The following CARD14 variants were observed in gnomAD, a reference collection of about 807,000 sequenced individuals.
CARD14 encodes the protein caspase recruitment domain-containing protein 14.
A neutral mutation model predicts 111.5 loss-of-function variants in CARD14; 107 were observed. The observed-to-expected ratio is 0.96, with a 90% CI of 0.82 to 1.13. The LOEUF (loss-of-function observed/expected upper bound fraction) is 1.13, where lower values mean the gene tolerates loss of function less well. Ranked by LOEUF, CARD14 falls within the 50% of genes most tolerant of loss-of-function variation. The pLI is 0.00. For missense variants in CARD14, 1,322 were observed against 1,362.3 expected, an observed-to-expected ratio of 0.97 and a Z score of 0.47; for synonymous variants, 617 against 579.6, an observed-to-expected ratio of 1.06 and a Z score of -0.93.
Position 80,188,512 on chromosome 17 carries a change from AATGAGAAACTGC to A in CARD14, c.812_823del (p.Asn271_Arg275delinsSer), listed in dbSNP as rs1354939025. 1.3e-6 allele frequency: 2 copies of A among 1,548,074 alleles called. No individual in the cohort carries two copies. Among genetic ancestry groups the A allele is most frequent in the Non-Finnish European group, 1.7e-6 (2 of 1,147,100 alleles). On this transcript the variant is annotated inframe_deletion, in exon 8 of 24. Coordinates refer to ENST00000648509, the MANE Select transcript of CARD14 (RefSeq NM_001366385.1). The surrounding 1 kb of genome is among the most constrained non-coding windows in gnomAD (Gnocchi z 4.5). Reference sequence around the variant, plus strand: ...GGAGCTGAACCGCCTGAAGGAGGAGAATGAGAAACTGCGCTCGCTGACTTTCAGCCTGGTAGG... The same window carrying A: ...GGAGCTGAACCGCCTGAAGGAGGAGAGCTCGCTGACTTTCAGCCTGGTAGG...
In CARD14 at chr17:80,172,978, T is replaced by G. The variant is rs2039938416; in HGVS notation, c.-617T>G. ...TCTCTGCAACCTCCACTTCCCAGGT[T>G]CAAGCGATTCTCCTGCCTCACCCTC... is the stretch of plus-strand genomic sequence containing the variant. On this transcript the variant is annotated 5_prime_UTR_variant, in exon 2 of 24. Transcript: ENST00000648509. The G allele has an allele frequency of 6.8e-6, 1 of 146,536 alleles. No homozygotes were observed. Among genetic ancestry groups the G allele is most frequent in the Admixed American group, 7.0e-5 (1 of 14,276 alleles). 9.1% of individuals were successfully genotyped at this position (146,536 alleles called of 1,614,324 possible).
intron 2 of CARD14, among the ~76,000 whole-genome samples, chr17:80,177,819 C>T (rs2040062321): frequency 6.6e-6 from 1 of 152,126 alleles, no homozygotes; most frequent in Non-Finnish European, 1.5e-5. Context: ...TGTGGGATTA[C>T]AGGCATGAGC....
Position 80,184,172 on chromosome 17 carries a change from G to T in CARD14, c.609G>T (p.Leu203=). The change falls in exon 7 of 24, where the codon CTG becomes CTT. Residue 203 remains leucine, a synonymous_variant. Transcript: ENST00000648509. The part of the protein sequence containing the change: ...RLKDEMLSLS[L]HYSNALQEKE... Reference sequence around the variant, plus strand: ...AGGACGAGATGCTCAGCCTCTCGCTGCACTATAGCAATGCGCTGCAGGAGA... The same window carrying T: ...AGGACGAGATGCTCAGCCTCTCGCTTCACTATAGCAATGCGCTGCAGGAGA... The T allele has an allele frequency of 6.4e-7, 1 of 1,563,136 alleles. No individual in the cohort carries two copies. Among genetic ancestry groups the T allele is most frequent in the East Asian group, 2.4e-5 (1 of 42,106 alleles).
intron 2 of CARD14, among the ~76,000 whole-genome samples, chr17:80,178,042 AGAAACAGGACT>A (rs2040067370): frequency 6.6e-6 from 1 of 152,164 alleles, no homozygotes; most frequent in Non-Finnish European, 1.5e-5. Context: ...TGTTCCAGTG[AGAAACAGGACT>A]GAGATCAGAA....
intron 23 of CARD14, 82 bp from the exon 24 acceptor site, chr17:80,208,056 T>C (rs897295799): frequency 1.2e-5 from 13 of 1,066,360 alleles, no homozygotes; most frequent in Middle Eastern, 3.2e-4. Flanking sequence ...GGTGTTTGGG[T>C]GCATGTCATC....
chr17:80,189,449 C>T lies in CARD14; in HGVS notation c.844-304C>T, dbSNP rs1162621959. On this transcript the variant is annotated intron_variant, in intron 8 of 23. Transcript: ENST00000648509. This position sits in a 1 kb window ranked among gnomAD's most constrained non-coding sequence, Gnocchi z 4.7. ...AGGGGAATGACCTGTCTGCTGGTTT[C>T]TCCCTCGCTGTGAAACTGCCGGTAG... Among the ~76,000 whole-genome samples, 1 of 152,220 alleles carries T rather than the reference C, an allele frequency of 6.6e-6. No homozygotes were observed. Among genetic ancestry groups the T allele is most frequent in the African/African-American group, 2.4e-5 (1 of 41,460 alleles).
In CARD14 at chr17:80,188,135, T is replaced by C. The variant is rs1479945022; in HGVS notation, c.676-242T>C. 2.1e-6 allele frequency: 1 copy of C among 473,864 alleles called. No individual in the cohort carries two copies. The highest frequency in any genetic ancestry group is 5.4e-5 in the East Asian group (1 of 18,418). The allele number at this position is 473,864 out of a possible 1,614,324, so 29.4% of individuals were successfully genotyped here. On this transcript the variant is annotated intron_variant, in intron 7 of 23. Transcript: ENST00000648509. The surrounding 1 kb of genome is among the most constrained non-coding windows in gnomAD (Gnocchi z 4.5). ...CTATTCCTGGGACCCTAACCCTGGA[T>C]GGAGTTCAACCGCGGTGCCTCATCT...
intron 6 of CARD14, 123 bp from the exon 7 acceptor site, chr17:80,183,790 A>C: frequency 1.4e-6 from 1 of 728,940 alleles, no homozygotes; most frequent in South Asian, 2.2e-5. Flanking sequence ...CCACATGCTC[A>C]CCCGCCCACA....
chr17:80,191,253 G>T (rs969535369), intron 10 of CARD14, 70 bp from the exon 11 acceptor site: 63 of 1,563,792 alleles, frequency 4.0e-5, no homozygotes, highest in Non-Finnish European at 5.0e-5. Context: ...TAGAAACAGG[G>T]CTCTCCTTCT....
chr17:80,188,350 C>T lies in CARD14; in HGVS notation c.676-27C>T, dbSNP rs1379824920. On this transcript the variant is annotated intron_variant, in intron 7 of 23. Coordinates refer to ENST00000648509, the MANE Select transcript of CARD14 (RefSeq NM_001366385.1). This position sits in a 1 kb window ranked among gnomAD's most constrained non-coding sequence, Gnocchi z 4.5. ...TCAGGGGAGAAGCTGTTTCCATCGC[C>T]CTTCCTGTCGCCTCCCCACCGCACA... 2 of 1,600,974 alleles carry T rather than the reference C, an allele frequency of 1.2e-6. No individual in the cohort carries two copies. The highest frequency in any genetic ancestry group is 8.5e-7 in the Non-Finnish European group (1 of 1,174,162).
intron 7 of CARD14, chr17:80,187,738 C>T (rs1248814206): frequency 1.0e-6 from 1 of 985,206 alleles, no homozygotes; most frequent in Non-Finnish European, 1.2e-6. Context: ...CCAGGGCTGC[C>T]ACACCCAGGA....
rs996009092 is a variant in CARD14 at position 80,182,482 on chromosome 17, G to C, written c.212-171G>C. Among the ~76,000 whole-genome samples, 1 of 152,306 alleles carries C rather than the reference G, an allele frequency of 6.6e-6. No individual in the cohort carries two copies. The highest frequency in any genetic ancestry group is 1.9e-4 in the East Asian group (1 of 5,178). On this transcript the variant is annotated intron_variant, in intron 5 of 23. Coordinates refer to ENST00000648509, the MANE Select transcript of CARD14 (RefSeq NM_001366385.1). This position sits in a 1 kb window ranked among gnomAD's most constrained non-coding sequence, Gnocchi z 4.7. ...GGGGTAAAGGGAGCCTGTGAGAGCA[G>C]TGAGGGCGCGTCCCACCCAGCAGAA...
intron 2 of CARD14, among the ~76,000 whole-genome samples, chr17:80,177,027 T>C (rs2040041631): frequency 6.6e-6 from 1 of 152,202 alleles, no homozygotes; most frequent in Non-Finnish European, 1.5e-5. Flanking sequence ...TTGCTCATGG[T>C]TCTGGAGGCC....
At position 80,198,717 on chromosome 17, in the gene CARD14, T is replaced by G. The variant is rs1393440033; in HGVS notation, c.1851+126T>G. 1 of 1,584,206 alleles carries G rather than the reference T, an allele frequency of 6.3e-7. No individual in the cohort carries two copies. The highest frequency in any genetic ancestry group is 1.3e-5 in the African/African-American group (1 of 74,530). ...GATCCACTCTGGGCTGGGCCTCTGCTCTTTCCTGGGCTGACGTAAAGCGTT... is the reference window on the plus strand; with the variant it reads ...GATCCACTCTGGGCTGGGCCTCTGCGCTTTCCTGGGCTGACGTAAAGCGTT... On this transcript the variant is annotated intron_variant, in intron 16 of 23. Transcript: ENST00000648509. This position sits in a 1 kb window ranked among gnomAD's most constrained non-coding sequence, Gnocchi z 7.5.
At chr17:80,177,095 G>T (rs1307460409) in intron 2 of CARD14, among the ~76,000 whole-genome samples, 1 of 152,234 alleles carries the variant, frequency 6.6e-6, no homozygotes. Flanking sequence ...TCCAGGGAGG[G>T]TCTGCTTCAT....
At position 80,205,045 on chromosome 17, in the gene CARD14, G is replaced by A. The variant is rs115102551; in HGVS notation, c.2409G>A (p.Thr803=). 1,993 of 1,597,356 alleles carry A rather than the reference G, an allele frequency of 1.2e-3. 22 individuals are homozygous for A. The African/African-American group carries it at 0.024, about 19-fold the overall frequency. ...LDPSRMEGSS[T]CFWAESCLTL... ...TCCTCTCCTCCACAGGCTCCAGCAC[G>A]TGCTTCTGGGCCGAGAGCTGCCTCA... Residue 803 remains threonine (T), a synonymous_variant, in exon 21 of 24, where the codon ACG becomes ACA. Transcript: ENST00000648509.
chr17:80,204,539 G>A (rs530229997), intron 20 of CARD14, 198 bp downstream of exon 20: 19 of 497,506 alleles, frequency 3.8e-5, no homozygotes, highest in South Asian at 3.2e-4. Flanking sequence ...CAGGAGAATC[G>A]CCTGAACCCG....
chr17:80,204,843 G>A (rs1439349444), intron 20 of CARD14, 192 bp from the exon 21 acceptor site: 23 of 555,442 alleles, frequency 4.1e-5, no homozygotes, highest in East Asian at 1.2e-4. Context: ...TGTAACCCCC[G>A]TGCAAAGGAG....
Position 80,204,243 on chromosome 17 carries a change from C to G in CARD14, c.2300C>G (p.Pro767Arg), listed in dbSNP as rs1235130835. 3.8e-6 allele frequency: 6 copies of G among 1,592,318 alleles called. No individual in the cohort carries two copies. Among genetic ancestry groups the G allele is most frequent in the Non-Finnish European group, 5.2e-6 (6 of 1,163,380 alleles). Residue 767 changes from proline (P) to arginine (R), a missense_variant, in exon 20 of 24, where the codon CCA becomes CGA. Physicochemically the swap from Pro to Arg is moderately radical, Grantham distance 103. Coordinates refer to ENST00000648509, the MANE Select transcript of CARD14 (RefSeq NM_001366385.1). ...CTCCTTTAGCCATCTTCTGGGGGAC[C>G]ACAGAAGCTGGTCCGCATCGTCAGT... is the stretch of plus-strand genomic sequence containing the variant. ...TVTRKPSSGGPQKLVRIVSMD... is the reference protein window; with the variant it reads ...TVTRKPSSGGRQKLVRIVSMD...
Sources: allele counts gnomAD v4.1 joint callset (sites outside exome capture counted in the v4.1 genomes callset), GRCh38; gene constraint gnomAD v4.1.1; non-coding constraint Gnocchi (gnomAD v3.1); transcripts MANE v1.5; gene names NCBI Gene and HGNC (gene_info 2026-07-23, HGNC 2026-07-21).